DNAH17: variants seen among roughly 807,000 people sequenced by gnomAD.
The protein encoded by DNAH17 is dynein axonemal heavy chain 17.
A neutral mutation model predicts 485.6 loss-of-function variants in DNAH17; 376 were observed. The ratio of observed to expected loss-of-function variants is 0.77; its 90% confidence interval spans 0.71 to 0.84. The LOEUF is 0.84. Ranked by LOEUF, DNAH17 falls within the 40% of genes least tolerant of loss-of-function variation. DNAH17 has a pLI of 0.00. For synonymous variants in DNAH17, 3,031 were observed against 2,405.9 expected, an observed-to-expected ratio of 1.26 and a Z score of -7.60; for missense variants, 6,370 against 5,839.3, an observed-to-expected ratio of 1.09 and a Z score of -2.96.
At chr17:78,447,970 G>T (rs374204247) in intron 69 of DNAH17, among the ~76,000 whole-genome samples, 1 of 152,088 alleles carries the variant, frequency 6.6e-6, no homozygotes, top group Admixed American at 6.6e-5. Context: ...TCGGGAGTTC[G>T]AGACCAGCCT....
rs1407915766 is a variant in DNAH17 at position 78,525,026 on chromosome 17, A to C, written c.3847T>G (p.Trp1283Gly). 1 of 1,613,314 alleles carries C rather than the reference A, an allele frequency of 6.2e-7. No individual in the cohort carries two copies. The highest frequency in any genetic ancestry group is 1.3e-5 in the African/African-American group (1 of 74,940). ...GCACTCACCACAACAACCATGTCCC[A>C]GAGCTCCTTCAGTAGGCGGACCTCC... The part of the protein sequence containing the change: ...HREVRLLKEL[W>G]DMVVVVNTSI... The change falls in exon 25 of 81, where the codon TGG becomes GGG. Residue 1283 changes from tryptophan (W) to glycine (G), a missense_variant. By Grantham distance (184) the Trp-to-Gly change is radical (BLOSUM62 -2). Transcript: ENST00000389840.
At chr17:78,426,772 TC>T in intron 78 of DNAH17, 153 bp downstream of exon 78, 1 of 1,268,360 alleles carries the variant, frequency 7.9e-7, no homozygotes, top group East Asian at 2.5e-5. Context: ...CTAGATGAGC[TC>T]CCGGGGCTTG....
chr17:78,487,887 CAA>C (rs2089681267), intron 44 of DNAH17, among the ~76,000 whole-genome samples: 1 of 152,142 alleles, frequency 6.6e-6, no homozygotes, highest in South Asian at 2.1e-4. Context: ...ACCTCTATCA[CAA>C]GAGAGAATTA....
At chr17:78,503,344 A>AT (rs34437723) in intron 31 of DNAH17, among the ~76,000 whole-genome samples, 84,006 of 129,192 alleles carry the variant, frequency 0.65, 27,935 homozygotes, top group East Asian at 0.93. Flanking sequence ...CACTCCCGGC[A>AT]TTTTTTTTTT....
intron 74 of DNAH17, among the ~76,000 whole-genome samples, chr17:78,437,051 C>G (rs1167159038): frequency 1.3e-5 from 2 of 152,166 alleles, no homozygotes; most frequent in Non-Finnish European, 2.9e-5. Context: ...GTCCTGGAGG[C>G]AACCAGCAGC....
rs951603204 is a variant in DNAH17 at position 78,485,749 on chromosome 17, C to T, written c.7284G>A (p.Leu2428=). Residue 2428 remains leucine, a synonymous_variant, in exon 47 of 81, where the codon TTG becomes TTA. Coordinates refer to ENST00000389840, the MANE Select transcript of DNAH17 (RefSeq NM_173628.4). ...TGCGGATGGTTTCCGTGGTGTGGAC[C>T]AAAGAGGCCTGGGGCAGGGGAGGGA... The part of the protein sequence containing the change: ...LDPDVPLQAS[L]VHTTETIRIR... The T allele has an allele frequency of 2.5e-6, 4 of 1,611,926 alleles. 1 individual carries two copies. In the Admixed American group the frequency reaches 5.0e-5, roughly 20 times the overall value.
intron 19 of DNAH17, among the ~76,000 whole-genome samples, chr17:78,534,542 C>T (rs1196315657): frequency 6.6e-6 from 1 of 152,204 alleles, no homozygotes; most frequent in East Asian, 1.9e-4. Context: ...CCCACCCCTC[C>T]TCATGGCCCC....
intron 63 of DNAH17, 54 bp downstream of exon 63, chr17:78,455,590 G>T (rs2087758455): frequency 1.4e-6 from 2 of 1,397,626 alleles, no homozygotes; most frequent in Non-Finnish European, 1.9e-6. Flanking sequence ...GCCTCCCAAA[G>T]TGCTGGCATT....
At chr17:78,445,136 G>C (rs867462939) in intron 70 of DNAH17, among the ~76,000 whole-genome samples, 1 of 150,236 alleles carries the variant, frequency 6.7e-6, no homozygotes. Context: ...CTTGAGACTC[G>C]AGGGTCCCTG....
At chr17:78,450,635 C>G (rs780013532) in intron 67 of DNAH17, 47 bp downstream of exon 67, 6 of 1,584,434 alleles carry the variant, frequency 3.8e-6, no homozygotes, top group Non-Finnish European at 5.2e-6. Context: ...CGTGGCCCAG[C>G]CTCCCAAGCC....
chr17:78,499,893 G>A (rs567565632), intron 36 of DNAH17: 1 of 162,046 alleles, frequency 6.2e-6, no homozygotes, highest in Admixed American at 6.1e-5. Context: ...ACGATGTCCT[G>A]TGCAGGCTCT....
At chr17:78,575,642 C>A (rs956972665) in intron 1 of DNAH17, among the ~76,000 whole-genome samples, 3 of 152,142 alleles carry the variant, frequency 2.0e-5, no homozygotes, top group Non-Finnish European at 2.9e-5. Context: ...CAGCCCCCAG[C>A]GTGCACCCCT....
rs763146589 is a variant in DNAH17 at position 78,439,111 on chromosome 17, T to C, written c.11784A>G (p.Lys3928=). ...GTACCTGCAGAATGACCCAGTGTCCTTTCTCTGCAGCCACGTCCAGGGCGT... is the reference window on the plus strand; with the variant it reads ...GTACCTGCAGAATGACCCAGTGTCCCTTCTCTGCAGCCACGTCCAGGGCGT... ...AENALDVAAE[K]GHWVILQNIH... is the part of the protein sequence containing the mutation. The change falls in exon 73 of 81, where the codon AAA becomes AAG. Residue 3928 remains lysine (K), a synonymous_variant. Transcript: ENST00000389840. The C allele has an allele frequency of 3.1e-6, 5 of 1,613,456 alleles. No homozygotes were observed. The highest frequency in any genetic ancestry group is 3.4e-6 in the Non-Finnish European group (4 of 1,179,778).
chr17:78,539,393 C>T (rs1458140118), intron 18 of DNAH17, among the ~76,000 whole-genome samples: 2 of 152,150 alleles, frequency 1.3e-5, no homozygotes, highest in Non-Finnish European at 2.9e-5. Flanking sequence ...TTGTTGCTGA[C>T]AGGAGACCCT....
chr17:78,555,042 C>G (rs2091989919), intron 14 of DNAH17, among the ~76,000 whole-genome samples: 2 of 152,186 alleles, frequency 1.3e-5, no homozygotes. Context: ...CCACTGCGCC[C>G]AGCCCATTTT....
intron 47 of DNAH17, 81 bp downstream of exon 47, chr17:78,485,469 C>T (rs2089559608): frequency 1.5e-6 from 2 of 1,359,952 alleles, no homozygotes; most frequent in Non-Finnish European, 2.0e-6. Context: ...AGTGCCTGGG[C>T]CTGCAGTGAG....
At chr17:78,565,647 C>T (rs570246183) in intron 11 of DNAH17, among the ~76,000 whole-genome samples, 74 of 152,300 alleles carry the variant, frequency 4.9e-4, no homozygotes, top group African/African-American at 1.8e-3. Flanking sequence ...ATAGCAAAAC[C>T]TTGTCTCTAC....
At position 78,507,757 on chromosome 17, in the gene DNAH17, C is replaced by T. The variant is rs373740677; in HGVS notation, c.4285G>A (p.Glu1429Lys). The T allele has an allele frequency of 1.4e-5, 23 of 1,589,726 alleles. No individual in the cohort carries two copies. The highest frequency in any genetic ancestry group is 7.0e-5 in the Admixed American group (4 of 57,552). The change falls in exon 28 of 81, where the codon GAG becomes AAG. Residue 1429 changes from glutamate to lysine, a missense_variant. By Grantham distance (56) the Glu-to-Lys change is moderately conservative. Coordinates refer to ENST00000389840, the MANE Select transcript of DNAH17 (RefSeq NM_173628.4). ...STWSMMEFQHEPHPRTGTMML... is the reference protein window; with the variant it reads ...STWSMMEFQHKPHPRTGTMML... The stretch of plus-strand genomic sequence containing the variant: ...ATGGTGCCTGTCCGCGGGTGCGGCT[C>T]GTGCTGGAATTCCATCATGCTCCAG...
chr17:78,545,387 C>T lies in DNAH17; in HGVS notation c.2392-1390G>A, dbSNP rs539156658. Among the ~76,000 whole-genome samples the T allele has an allele frequency of 3.9e-4, 59 of 152,308 alleles. 1 individual carries two copies. The highest frequency in any genetic ancestry group is 5.9e-5 in the Non-Finnish European group (4 of 68,038). On this transcript the variant is annotated intron_variant, in intron 16 of 80. Transcript: ENST00000389840. ...TATACTAGGGGGCTTAAGCAACAGA[C>T]ATTTCTCACAGGTTTAGAGGTTAGA...
Sources: allele counts gnomAD v4.1 joint callset (sites outside exome capture counted in the v4.1 genomes callset), GRCh38; gene constraint gnomAD v4.1.1; transcripts MANE v1.5; gene names NCBI Gene and HGNC (gene_info 2026-07-23, HGNC 2026-07-21).